GGA3: variants seen among roughly 807,000 people sequenced by gnomAD.
GGA3 encodes golgi associated, gamma adaptin ear containing, ARF binding protein 3.
A neutral mutation model predicts 77.5 loss-of-function variants in GGA3; 57 were observed. The observed-to-expected ratio is 0.74, with a 90% CI of 0.59 to 0.92. GGA3 has a LOEUF of 0.92. Among genes scored for constraint, GGA3 ranks in the 40% least tolerant of loss-of-function variants. The pLI is 0.00. For missense variants in GGA3, 970 were observed against 914.9 expected, an observed-to-expected ratio of 1.06 and a Z score of -0.78; for synonymous variants, 416 against 383.7, an observed-to-expected ratio of 1.08 and a Z score of -0.98.
rs2076516159 is a variant in GGA3 at position 75,240,644 on chromosome 17, G to A, written c.1192+168C>T. 14 of 770,276 alleles carry A rather than the reference G, an allele frequency of 1.8e-5. No individual in the cohort carries two copies. The South Asian group carries it at 2.6e-4, about 14-fold the overall frequency. 47.7% of individuals were successfully genotyped at this position (770,276 alleles called of 1,614,324 possible). A position where few individuals can be genotyped will look rare whatever the true frequency, so the allele number is the denominator to read the frequency against. On this transcript the variant is annotated intron_variant, in intron 11 of 16. Transcript: ENST00000537686. ...AGGAGGCAGAGTCCACCGGGAGGAT[G>A]GCCCTGGGGCCCTCAGGGTCGCTGA...
chr17:75,240,465 T>A, intron 11 of GGA3, 53 bp from the exon 12 acceptor site: 1 of 1,212,972 alleles, frequency 8.2e-7, no homozygotes, highest in Non-Finnish European at 1.2e-6. Context: ...TAGGCAGCCC[T>A]AGCCCCGCCT....
At chr17:75,242,112 T>C in intron 8 of GGA3, 1 of 594,244 alleles carries the variant, frequency 1.7e-6, no homozygotes, top group Admixed American at 3.0e-5. Flanking sequence ...CAGACTCAGG[T>C]TTCCATCTGG....
At chr17:75,241,370 A>T in intron 10 of GGA3, 30 bp downstream of exon 10, 1 of 1,381,532 alleles carries the variant, frequency 7.2e-7, no homozygotes, top group Admixed American at 1.7e-5. Flanking sequence ...GGTCTGGAGG[A>T]GCCTAGAGTT....
intron 1 of GGA3, among the ~76,000 whole-genome samples, chr17:75,250,023 A>G (rs1008625434): frequency 1.3e-5 from 2 of 152,224 alleles, no homozygotes; most frequent in Non-Finnish European, 2.9e-5. Context: ...TGCAATGGTC[A>G]GTTCCATGTC....
intron 1 of GGA3, among the ~76,000 whole-genome samples, chr17:75,256,606 A>G (rs2077159912): frequency 6.6e-6 from 1 of 152,174 alleles, no homozygotes; most frequent in Admixed American, 6.5e-5. Context: ...AGGCTATGCT[A>G]TAGTACAAGC....
rs369313781 is a variant in GGA3, at chr17:75,239,385, C to G, written c.1770G>C (p.Ser590=). 24 of 1,547,662 alleles carry G rather than the reference C, an allele frequency of 1.6e-5. No individual in the cohort carries two copies. Among genetic ancestry groups the G allele is most frequent in the East Asian group, 2.3e-5 (1 of 44,390 alleles). The change falls in exon 14 of 17, where the codon TCG becomes TCC. Residue 590 remains serine (S), a synonymous_variant. Transcript: ENST00000537686. ...SLASIHVPLE[S]IKPSSALPVT... The stretch of plus-strand genomic sequence containing the variant: ...TCCTCCAACACCTACTAGGCTTGAT[C>G]GATTCCAGGGGCACGTGGATGCTGG...
At chr17:75,242,693 A>G (rs1187186852) in intron 7 of GGA3, 138 bp downstream of exon 7, 26 of 887,226 alleles carry the variant, frequency 2.9e-5, no homozygotes, top group Non-Finnish European at 4.6e-5. Context: ...TCCTCCTCCC[A>G]CTCTCAGCCA....
At chr17:75,244,478 A>G (rs2306216) in intron 4 of GGA3, 141 bp downstream of exon 4, 580,976 of 684,016 alleles carry the variant, frequency 0.85, 247,664 homozygotes, top group East Asian at 0.95. Context: ...CGTTACCTCC[A>G]GGGCCTAGCT....
At position 75,251,160 on chromosome 17, in the gene GGA3, A is replaced by G. The variant is rs114123437; in HGVS notation, c.41-4364T>C. Among the ~76,000 whole-genome samples the G allele has an allele frequency of 4.8e-3, 723 of 152,192 alleles. 8 individuals carry two copies. Among genetic ancestry groups the G allele is most frequent in the African/African-American group, 0.016 (674 of 41,492 alleles). On this transcript the variant is annotated intron_variant, in intron 1 of 16. Coordinates refer to ENST00000537686, the MANE Select transcript of GGA3 (RefSeq NM_138619.4). ...TGGGCTGGAAAGGGAATAAAGGTCA[A>G]CCTTCACTAGGGTCCTGAATGGAAA...
At chr17:75,244,754 G>T in intron 3 of GGA3, 37 bp from the exon 4 acceptor site, 2 of 1,432,888 alleles carry the variant, frequency 1.4e-6, no homozygotes, top group Non-Finnish European at 2.0e-6. Flanking sequence ...CAGTGAGGGC[G>T]TGCTCGGGGC....
intron 1 of GGA3, among the ~76,000 whole-genome samples, chr17:75,261,332 G>A (rs2077364779): frequency 7.9e-5 from 12 of 152,376 alleles, no homozygotes; most frequent in Admixed American, 6.5e-4. Flanking sequence ...GCGCGCCAGA[G>A]CAAGAGGACG....
chr17:75,256,088 C>A (rs1371390884), intron 1 of GGA3, among the ~76,000 whole-genome samples: 4 of 152,116 alleles, frequency 2.6e-5, no homozygotes, highest in Admixed American at 6.6e-5. Context: ...TACAAAACAA[C>A]AACTCCTTTC....
At chr17:75,255,072 C>T (rs925383316) in intron 1 of GGA3, among the ~76,000 whole-genome samples, 3 of 152,164 alleles carry the variant, frequency 2.0e-5, no homozygotes, top group African/African-American at 7.2e-5. Context: ...CCTCGGAAGC[C>T]CCATAGACCA....
In GGA3 at chr17:75,239,030, G is replaced by T. The variant is rs1434994491; in HGVS notation, c.1834C>A (p.His612Asn). The change falls in exon 15 of 17, where the codon CAC (histidine) becomes AAC (asparagine). Residue 612 changes from histidine to asparagine, a missense_variant. Coordinates refer to ENST00000537686, the MANE Select transcript of GGA3 (RefSeq NM_138619.4). ...CCTGGGGGACACTCCTTGGCAAAGT[G>T]GAAGAGGATGCGGAAGCCGTTTTTA... ...YDKNGFRILF[H>N]FAKECPPGRP... 1.2e-6 allele frequency: 2 copies of T among 1,613,966 alleles called. No individual in the cohort carries two copies. Among genetic ancestry groups the T allele is most frequent in the African/African-American group, 1.3e-5 (1 of 74,934 alleles).
At chr17:75,244,478 A>T (rs2306216) in intron 4 of GGA3, 141 bp downstream of exon 4, 1 of 684,604 alleles carries the variant, frequency 1.5e-6, no homozygotes, top group Non-Finnish European at 2.6e-6. Context: ...CGTTACCTCC[A>T]GGGCCTAGCT....
rs1037147437 is a variant in GGA3 at position 75,244,658 on chromosome 17, G to C, written c.261C>G (p.Phe87Leu). 1.2e-6 allele frequency: 2 copies of C among 1,613,820 alleles called. No individual in the cohort carries two copies. Among genetic ancestry groups the C allele is most frequent in the Non-Finnish European group, 1.7e-6 (2 of 1,179,738 alleles). ...GRRFHNEVGKFRFLNELIKVV... is the reference protein window; with the variant it reads ...GRRFHNEVGKLRFLNELIKVV... ...CTTTGATTAACTCATTCAAAAAGCGGAACTTCCCCACTTCGTTATGAAATC... is the reference window on the plus strand; with the variant it reads ...CTTTGATTAACTCATTCAAAAAGCGCAACTTCCCCACTTCGTTATGAAATC... The change falls in exon 4 of 17, where the codon TTC becomes TTG. Residue 87 changes from phenylalanine to leucine, a missense_variant. Physicochemically the swap from Phe to Leu is conservative, Grantham distance 22. Coordinates refer to ENST00000537686, the MANE Select transcript of GGA3 (RefSeq NM_138619.4).
chr17:75,242,494 A>G (rs2076595740), intron 7 of GGA3, 21 bp from the exon 8 acceptor site: 1 of 1,613,948 alleles, frequency 6.2e-7, no homozygotes, highest in Non-Finnish European at 8.5e-7. Context: ...GAAGAAGTTC[A>G]AGAGAAAGAG....
rs558716659 is a variant in GGA3 at position 75,243,443 on chromosome 17, G to A, written c.424+4C>T. 23 of 1,614,068 alleles carry A rather than the reference G, an allele frequency of 1.4e-5. No individual in the cohort carries two copies. In the South Asian group the frequency reaches 1.5e-4, roughly 11 times the overall value. On this transcript the variant is annotated splice_donor_region_variant and intron_variant, in intron 5 of 16. Transcript: ENST00000537686. ...CTGGAGGCTGCGGGCAGGCAGACAC[G>A]TACCCTGTCTCTTCAGCATGTGGTA...
At position 75,240,882 on chromosome 17, in the gene GGA3, G is replaced by A. The variant is rs754300051; in HGVS notation, c.1122C>T (p.Ala374=). 69 of 1,613,792 alleles carry A rather than the reference G, an allele frequency of 4.3e-5. No homozygotes were observed. The highest frequency in any genetic ancestry group is 7.7e-5 in the South Asian group (7 of 91,068). ...GPPRSRSSSQ[A]EATLGPSSTS... ...TGCTGCTGGGCCCCAGGGTGGCCTC[G>A]GCCTGGCTAGAGGAGCGGCTCCGTG... is the stretch of plus-strand genomic sequence containing the variant. Residue 374 remains alanine, a synonymous_variant, in exon 11 of 17, where the codon GCC becomes GCT. Coordinates refer to ENST00000537686, the MANE Select transcript of GGA3 (RefSeq NM_138619.4).
Sources: gnomAD v4.1 joint callset for allele counts (sites outside exome capture counted in the v4.1 genomes callset) on GRCh38, gnomAD v4.1.1 for gene constraint, MANE v1.5 for transcripts, NCBI Gene and HGNC (gene_info 2026-07-23, HGNC 2026-07-21) for gene names.